LRP1B: variants seen among roughly 807,000 people sequenced by gnomAD.
The protein encoded by LRP1B is low-density lipoprotein receptor-related protein 1B.
A neutral mutation model predicts 556.6 loss-of-function variants in LRP1B; 217 were observed. That is an observed-to-expected ratio of 0.39 (90% CI 0.35 to 0.44). The LOEUF (loss-of-function observed/expected upper bound fraction) is 0.44. Among genes scored for constraint, LRP1B ranks in the 20% least tolerant of loss-of-function variants. The pLI is 1.00. For synonymous variants in LRP1B, 2,047 were observed against 1,865.8 expected, an observed-to-expected ratio of 1.10 and a Z score of -2.50; for missense variants, 5,053 against 5,620.8, an observed-to-expected ratio of 0.90 and a Z score of 3.23.
chr2:140,532,275 C>A (rs186126562), intron 47 of LRP1B, among the ~76,000 whole-genome samples: 1 of 152,170 alleles, frequency 6.6e-6, no homozygotes, highest in East Asian at 1.9e-4. Context: ...TGCTTTAAAC[C>A]TTTAGTGACT....
chr2:141,861,199 C>CA (rs1381751682), intron 1 of LRP1B, among the ~76,000 whole-genome samples: 7 of 152,218 alleles, frequency 4.6e-5, no homozygotes, highest in Non-Finnish European at 8.8e-5. Context: ...CAAGTTCATC[C>CA]ATGGCCACAA....
At chr2:141,606,244 A>G (rs1234987955) in intron 2 of LRP1B, among the ~76,000 whole-genome samples, 9 of 152,222 alleles carry the variant, frequency 5.9e-5, no homozygotes, top group Non-Finnish European at 1.3e-4. Flanking sequence ...TTGTGTTATT[A>G]TTTATCAGAT....
intron 43 of LRP1B, among the ~76,000 whole-genome samples, chr2:140,582,124 TA>T (rs948347982): frequency 1.3e-5 from 2 of 151,678 alleles, no homozygotes; most frequent in African/African-American, 2.4e-5. Context: ...AAACCATAAT[TA>T]AAAAAAAATT....
intron 43 of LRP1B, among the ~76,000 whole-genome samples, chr2:140,556,262 C>G (rs1237523263): frequency 6.6e-6 from 1 of 151,976 alleles, no homozygotes. Context: ...TCATAGGACT[C>G]TAATCTGCCC....
At chr2:140,660,319 T>A (rs988028622) in intron 41 of LRP1B, among the ~76,000 whole-genome samples, 2 of 152,068 alleles carry the variant, frequency 1.3e-5, no homozygotes, top group Non-Finnish European at 2.9e-5. Flanking sequence ...TTTTTATATG[T>A]CAATTTTTAT....
intron 7 of LRP1B, among the ~76,000 whole-genome samples, chr2:141,178,550 C>G (rs1439710457): frequency 6.6e-6 from 1 of 152,042 alleles, no homozygotes; most frequent in Non-Finnish European, 1.5e-5. Context: ...GTATTTTGAC[C>G]TAAATGTAGC....
chr2:140,381,588 T>C (rs140755573), intron 67 of LRP1B, among the ~76,000 whole-genome samples: 1 of 151,720 alleles, frequency 6.6e-6, no homozygotes, highest in East Asian at 1.9e-4. Context: ...AAGGGCTGAG[T>C]GTGGTGGCTC....
intron 1 of LRP1B, among the ~76,000 whole-genome samples, chr2:141,926,574 T>C (rs1178272071): frequency 6.6e-6 from 1 of 152,202 alleles, no homozygotes; most frequent in Non-Finnish European, 1.5e-5. Flanking sequence ...CCCACCTTTC[T>C]ACATACTTCA....
At chr2:141,663,336 C>G (rs1690296312) in intron 2 of LRP1B, among the ~76,000 whole-genome samples, 1 of 151,138 alleles carries the variant, frequency 6.6e-6, no homozygotes, top group Admixed American at 6.6e-5. Context: ...TAACCAAGAT[C>G]AGAACAGAAC....
intron 60 of LRP1B, among the ~76,000 whole-genome samples, chr2:140,457,909 C>T (rs1297636034): frequency 6.6e-6 from 1 of 152,028 alleles, no homozygotes; most frequent in Non-Finnish European, 1.5e-5. Flanking sequence ...CCATTAAAGC[C>T]TGCTTCACCA....
intron 3 of LRP1B, among the ~76,000 whole-genome samples, chr2:141,332,853 C>A (rs1360114675): frequency 2.7e-5 from 4 of 150,836 alleles, no homozygotes; most frequent in African/African-American, 9.7e-5. Context: ...CTATAATCAC[C>A]AAGTCACAGT....
intron 43 of LRP1B, among the ~76,000 whole-genome samples, chr2:140,586,235 A>C (rs1360530451): frequency 6.6e-6 from 1 of 152,180 alleles, no homozygotes; most frequent in Non-Finnish European, 1.5e-5. Context: ...GGGACCAAGA[A>C]ATTCCATGGA....
chr2:141,955,063 T>C (rs1701210109), intron 1 of LRP1B, among the ~76,000 whole-genome samples: 1 of 152,154 alleles, frequency 6.6e-6, no homozygotes, highest in East Asian at 1.9e-4. Flanking sequence ...TGGTTGAAGA[T>C]ATTTGCAACT....
intron 1 of LRP1B, among the ~76,000 whole-genome samples, chr2:141,826,419 G>A (rs1696928031): frequency 6.9e-6 from 1 of 145,898 alleles, no homozygotes; most frequent in African/African-American, 2.5e-5. Flanking sequence ...GAGTGCAGTG[G>A]CGCCATCTCG....
At chr2:140,927,416 A>G (rs1376350529) in intron 20 of LRP1B, among the ~76,000 whole-genome samples, 1 of 152,160 alleles carries the variant, frequency 6.6e-6, no homozygotes, top group Non-Finnish European at 1.5e-5. Context: ...AACCCACATA[A>G]TTAAACTTTG....
At chr2:142,088,969 C>G (rs1453978763) in intron 1 of LRP1B, among the ~76,000 whole-genome samples, 1 of 84,774 alleles carries the variant, frequency 1.2e-5, no homozygotes, top group Non-Finnish European at 2.2e-5. Flanking sequence ...AGCAAGGCTC[C>G]GTCTCAAAAA....
intron 2 of LRP1B, among the ~76,000 whole-genome samples, chr2:141,773,627 A>G (rs1288396604): frequency 6.6e-6 from 1 of 152,242 alleles, no homozygotes. Context: ...CATTGCCCTT[A>G]GGCTTCTGCC....
At chr2:140,562,294 T>C (rs1051533368) in intron 43 of LRP1B, among the ~76,000 whole-genome samples, 3 of 152,190 alleles carry the variant, frequency 2.0e-5, no homozygotes, top group African/African-American at 7.2e-5. Context: ...TTCGAAAATA[T>C]ACTAATGGTT....
intron 7 of LRP1B, among the ~76,000 whole-genome samples, chr2:141,125,156 A>G (rs1574099365): frequency 6.6e-6 from 1 of 152,348 alleles, no homozygotes; most frequent in Non-Finnish European, 1.5e-5. Context: ...GATACCCAAG[A>G]CAAGTATCTT....
Sources: allele counts gnomAD v4.1 joint callset (sites outside exome capture counted in the v4.1 genomes callset), GRCh38; gene constraint gnomAD v4.1.1; transcripts MANE v1.5; gene names NCBI Gene and HGNC (gene_info 2026-07-23, HGNC 2026-07-21).